NR2C1: variants seen among roughly 807,000 people sequenced by gnomAD.
NR2C1 encodes the protein nuclear receptor subfamily 2 group C member 1.
A neutral mutation model predicts 74.8 loss-of-function variants in NR2C1; 33 were observed. The observed-to-expected ratio is 0.44, with a 90% CI of 0.33 to 0.59. The LOEUF (loss-of-function observed/expected upper bound fraction) is 0.59. NR2C1 is among the 20% of genes least tolerant of loss of function. The pLI is 0.02. For synonymous variants in NR2C1, 225 were observed against 240.6 expected, an observed-to-expected ratio of 0.94 and a Z score of 0.60; for missense variants, 568 against 715.6, an observed-to-expected ratio of 0.79 and a Z score of 2.35.
In NR2C1 at chr12:95,058,484, G is replaced by T; in HGVS notation, c.370C>A (p.His124Asn). The change falls in exon 5 of 14, where the codon CAT becomes AAT. Residue 124 changes from histidine (H) to asparagine (N), a missense_variant. By Grantham distance (68) the His-to-Asn change is moderately conservative. Coordinates refer to ENST00000333003, the MANE Select transcript of NR2C1 (RefSeq NM_003297.4). The part of the protein sequence containing the change: ...VVCGDKASGR[H>N]YGAVTCEGCK... Reference sequence around the variant, plus strand: ...CCTTCACAAGTTACTGCTCCATAATGACGTCCTAGAGAGAAAATGTTTAAG... The same window carrying T: ...CCTTCACAAGTTACTGCTCCATAATTACGTCCTAGAGAGAAAATGTTTAAG... 6.2e-7 allele frequency: 1 copy of T among 1,609,954 alleles called. No individual in the cohort carries two copies. The highest frequency in any genetic ancestry group is 1.1e-5 in the South Asian group (1 of 90,766).
chr12:95,030,618 A>G (rs1194015350), intron 11 of NR2C1: 2 of 1,613,118 alleles, frequency 1.2e-6, no homozygotes, highest in African/African-American at 2.7e-5. Flanking sequence ...TTTTAAGGTG[A>G]TTACCCCTCT....
At chr12:95,060,894 C>T (rs1874683641) in intron 3 of NR2C1, among the ~76,000 whole-genome samples, 1 of 152,074 alleles carries the variant, frequency 6.6e-6, no homozygotes, top group South Asian at 2.1e-4. Flanking sequence ...TATATCACCA[C>T]AAAAATCAGT....
At chr12:95,042,899 C>CATAA (rs1871755494) in intron 9 of NR2C1, among the ~76,000 whole-genome samples, 1 of 147,450 alleles carries the variant, frequency 6.8e-6, no homozygotes, top group Non-Finnish European at 1.5e-5. Context: ...TAGTTCAAGA[C>CATAA]CGGCCTGGGC....
At chr12:95,053,403 AGGTAAGT>A (rs1873315710) in intron 7 of NR2C1, among the ~76,000 whole-genome samples, 1 of 152,170 alleles carries the variant, frequency 6.6e-6, no homozygotes, top group South Asian at 2.1e-4. Context: ...CGGGAAAGGC[AGGTAAGT>A]GCTTTATTTT....
intron 9 of NR2C1, among the ~76,000 whole-genome samples, chr12:95,048,622 G>GCTTTTTTT (rs1432439180): frequency 7.7e-6 from 1 of 130,526 alleles, no homozygotes; most frequent in African/African-American, 2.8e-5. Flanking sequence ...ATGCAGATGA[G>GCTTTTTTT]TTTTTTTTTT....
At chr12:95,040,392 A>G (rs1347236620) in intron 10 of NR2C1, 84 bp downstream of exon 10, 2 of 1,356,800 alleles carry the variant, frequency 1.5e-6, no homozygotes, top group Non-Finnish European at 2.0e-6. Context: ...CCTTTAATGC[A>G]AATCTTCCCA....
Position 95,045,857 on chromosome 12 carries a change from A to G in NR2C1, c.1131+3211T>C, listed in dbSNP as rs548540508. On this transcript the variant is annotated intron_variant, in intron 9 of 13. Coordinates refer to ENST00000333003, the MANE Select transcript of NR2C1 (RefSeq NM_003297.4). Reference sequence around the variant, plus strand: ...TAAAAATCTTTTTCTTTTTTTTTGAAAGATGGAGTATCGCTCTGTCACTTA... The same window carrying G: ...TAAAAATCTTTTTCTTTTTTTTTGAGAGATGGAGTATCGCTCTGTCACTTA... Among the ~76,000 whole-genome samples, 4 of 152,034 alleles carry G rather than the reference A, an allele frequency of 2.6e-5. No individual in the cohort carries two copies. The East Asian group carries it at 7.7e-4, about 29-fold the overall frequency.
rs1868733227 is a variant in NR2C1, at chr12:95,021,080, G to A, written c.*1149C>T. 6.6e-6 allele frequency: 1 copy of A among 152,020 alleles called. No individual in the cohort carries two copies. The highest frequency in any genetic ancestry group is 1.5e-5 in the Non-Finnish European group (1 of 68,022). The allele number at this position is 152,020 out of a possible 1,614,324, so 9.4% of individuals were successfully genotyped here. A position where few individuals can be genotyped will look rare whatever the true frequency, so the allele number is the denominator to read the frequency against. On this transcript the variant is annotated 3_prime_UTR_variant, in exon 14 of 14. Transcript: ENST00000333003. The stretch of plus-strand genomic sequence containing the variant: ...CTAAAACCCATACATGACAGGTTTG[G>A]GAAGCTCTAACTCAGGTCAGAAAAG...
At chr12:95,027,390 T>C (rs1869492591) in intron 12 of NR2C1, among the ~76,000 whole-genome samples, 1 of 152,158 alleles carries the variant, frequency 6.6e-6, no homozygotes, top group Non-Finnish European at 1.5e-5. Context: ...CTTCTCAACC[T>C]CCCTTTTCAT....
At chr12:95,071,853 A>G (rs537685006) in intron 1 of NR2C1, among the ~76,000 whole-genome samples, 1 of 151,570 alleles carries the variant, frequency 6.6e-6, no homozygotes, top group South Asian at 2.1e-4. Context: ...GGTTCAAGCA[A>G]TTCTCCTGCC....
chr12:95,047,211 G>C (rs1285601496), intron 9 of NR2C1, among the ~76,000 whole-genome samples: 1 of 152,018 alleles, frequency 6.6e-6, no homozygotes, highest in African/African-American at 2.4e-5. Context: ...GAAAACAAAA[G>C]AGTATCTTTT....
intron 3 of NR2C1, among the ~76,000 whole-genome samples, 198 bp from the exon 4 acceptor site, chr12:95,060,182 A>G (rs1262885959): frequency 2.0e-5 from 3 of 152,186 alleles, no homozygotes; most frequent in Non-Finnish European, 2.9e-5. Flanking sequence ...AAATAAGCTT[A>G]TAATGGCATA....
intron 4 of NR2C1, 56 bp from the exon 5 acceptor site, chr12:95,058,545 G>GAC: frequency 4.3e-6 from 6 of 1,387,686 alleles, no homozygotes; most frequent in Non-Finnish European, 6.0e-6. Flanking sequence ...GAACAGAAAT[G>GAC]ACATAAGCCA....
In NR2C1 at chr12:95,031,381, A is replaced by T. The variant is rs760284102; in HGVS notation, c.1361T>A (p.Phe454Tyr). The change falls in exon 11 of 14, where the codon TTT (phenylalanine) becomes TAT (tyrosine). Residue 454 changes from phenylalanine to tyrosine, a missense_variant. Physicochemically the swap from Phe to Tyr is conservative, Grantham distance 22. Coordinates refer to ENST00000333003, the MANE Select transcript of NR2C1 (RefSeq NM_003297.4). ...VMNVATILAT[F>Y]VNCLHNSLQQ... The stretch of plus-strand genomic sequence containing the variant: ...AAGACTATTGTGAAGACAATTGACA[A>T]ATGTTGCTAATATAGTTGCTACATT... 1.2e-6 allele frequency: 2 copies of T among 1,604,438 alleles called. No individual in the cohort carries two copies. Among genetic ancestry groups the T allele is most frequent in the Non-Finnish European group, 1.7e-6 (2 of 1,176,392 alleles).
chr12:95,073,309 T>C (rs919338439), intron 1 of NR2C1, 71 bp downstream of exon 1: 3 of 152,206 alleles, frequency 2.0e-5, no homozygotes, highest in African/African-American at 4.8e-5. Context: ...CCGTTGGCGG[T>C]TGGGGTGAAG....
At chr12:95,033,368 G>A (rs1372470627) in intron 10 of NR2C1, among the ~76,000 whole-genome samples, 1 of 152,100 alleles carries the variant, frequency 6.6e-6, no homozygotes, top group African/African-American at 2.4e-5. Context: ...CAGATAAGGT[G>A]GTTAGAGAAG....
chr12:95,071,493 T>TA (rs1876609902), intron 1 of NR2C1, among the ~76,000 whole-genome samples: 1 of 152,162 alleles, frequency 6.6e-6, no homozygotes, highest in Non-Finnish European at 1.5e-5. Flanking sequence ...GTAGGGATTA[T>TA]ACATTGTGTG....
intron 3 of NR2C1, among the ~76,000 whole-genome samples, chr12:95,061,489 T>TA (rs1874774416): frequency 6.6e-6 from 1 of 152,244 alleles, no homozygotes; most frequent in African/African-American, 2.4e-5. Flanking sequence ...AAGGTACATA[T>TA]AATGTTATAC....
In NR2C1 at chr12:95,071,818, A is replaced by G. The variant is rs371007439; in HGVS notation, c.-8+1562T>C. Among the ~76,000 whole-genome samples the G allele has an allele frequency of 1.2e-3, 174 of 149,208 alleles. 1 individual carries two copies. Among genetic ancestry groups the G allele is most frequent in the African/African-American group, 4.2e-3 (170 of 40,386 alleles). The stretch of plus-strand genomic sequence containing the variant: ...GGCTGGAGTGCAATGGCGCGATCTC[A>G]GCTCACTGCAACCTCCGCCTCCCGG... On this transcript the variant is annotated intron_variant, in intron 1 of 13. Coordinates refer to ENST00000333003, the MANE Select transcript of NR2C1 (RefSeq NM_003297.4).
Sources: gnomAD v4.1 joint callset for allele counts (sites outside exome capture counted in the v4.1 genomes callset) on GRCh38, gnomAD v4.1.1 for gene constraint, MANE v1.5 for transcripts, NCBI Gene and HGNC (gene_info 2026-07-23, HGNC 2026-07-21) for gene names.